TSHZ2: variants seen among roughly 807,000 people sequenced by gnomAD.
The protein encoded by TSHZ2 is teashirt homolog 2.
TSHZ2 carries 21 observed loss-of-function variants against 74.4 expected under a neutral mutation model. The observed-to-expected ratio is 0.28, with a 90% CI of 0.20 to 0.41. The LOEUF (loss-of-function observed/expected upper bound fraction) is 0.41, where lower values mean the gene tolerates loss of function less well. Ranked by LOEUF, TSHZ2 falls within the 10% of genes least tolerant of loss-of-function variation. The pLI is 1.00. For missense variants in TSHZ2, 1,244 were observed against 1,293.5 expected (o/e 0.96, Z 0.59); for synonymous variants, 540 against 515.3 (o/e 1.05, Z -0.65).
intron 2 of TSHZ2, among the ~76,000 whole-genome samples, chr20:53,457,750 TGA>T (rs1449558856): frequency 6.6e-6 from 1 of 151,734 alleles, no homozygotes; most frequent in African/African-American, 2.4e-5. Flanking sequence ...CCTAATTTAT[TGA>T]GAGTTTTTAG....
chr20:53,149,529 G>A (rs1195126189), intron 1 of TSHZ2, among the ~76,000 whole-genome samples: 2 of 152,178 alleles, frequency 1.3e-5, no homozygotes, highest in Non-Finnish European at 2.9e-5. Context: ...GCCAATGCAA[G>A]GATCTGCTTT....
chr20:53,444,168 C>T (rs903810213), intron 2 of TSHZ2, among the ~76,000 whole-genome samples: 2 of 152,278 alleles, frequency 1.3e-5, no homozygotes, highest in East Asian at 1.9e-4. Flanking sequence ...TCACTGAAGC[C>T]CCAGTTTCCC....
intron 1 of TSHZ2, chr20:53,185,532 T>A (rs2123523816): frequency 7.0e-7 from 1 of 1,423,666 alleles, no homozygotes; most frequent in East Asian, 2.6e-5. Flanking sequence ...GAGAATTCCT[T>A]GAACTGGGAC....
chr20:53,469,548 AGAAGGAGGGAAGGAAGGAAGGAAGGAAG>A (rs1443568740), intron 2 of TSHZ2, among the ~76,000 whole-genome samples: 2 of 125,208 alleles, frequency 1.6e-5, no homozygotes, highest in African/African-American at 3.3e-5. Flanking sequence ...AAGAAAAGAA[AGAAGGAGGGAAGGAAGGAAGGAAGGAAG>A]GAAGGAAGGA....
Position 53,050,929 on chromosome 20 carries a change from A to G in TSHZ2, c.40+77596A>G, listed in dbSNP as rs925639960. ...TTGATTCTGGCAAAATAGATAAACA[A>G]TATTTACTATCTTTACTCTAGAACT... On this transcript the variant is annotated intron_variant, in intron 1 of 2. Transcript: ENST00000371497. Among the ~76,000 whole-genome samples, 3 of 152,256 alleles carry G rather than the reference A, an allele frequency of 2.0e-5. No homozygotes were observed. In the East Asian group the frequency reaches 5.8e-4, roughly 29 times the overall value.
intron 2 of TSHZ2, among the ~76,000 whole-genome samples, chr20:53,315,062 C>CA (rs1407616927): frequency 6.6e-6 from 1 of 152,050 alleles, no homozygotes; most frequent in Non-Finnish European, 1.5e-5. Context: ...CAAGGAGATT[C>CA]AAAAAAAGGA....
chr20:53,126,897 A>G (rs1449106077), intron 1 of TSHZ2, among the ~76,000 whole-genome samples: 4 of 152,140 alleles, frequency 2.6e-5, no homozygotes, highest in Admixed American at 1.3e-4. Flanking sequence ...AGGAAGTGAG[A>G]GGTAGAGATA....
In TSHZ2 at chr20:53,473,670, G is replaced by C. The variant is rs865956833; in HGVS notation, c.*9-13474G>C. Among the ~76,000 whole-genome samples, 153 of 151,540 alleles carry C rather than the reference G, an allele frequency of 1.0e-3. 1 individual carries two copies. The highest frequency in any genetic ancestry group is 4.3e-3 in the Admixed American group (66 of 15,210). On this transcript the variant is annotated intron_variant, in intron 2 of 2. Coordinates refer to ENST00000371497, the MANE Select transcript of TSHZ2 (RefSeq NM_173485.6). Reference sequence around the variant, plus strand: ...AAGCTGGATGGAGAATGACTTTGACGAGCTGAGAGAAAAAGGCTTCAGACG... The same window carrying C: ...AAGCTGGATGGAGAATGACTTTGACCAGCTGAGAGAAAAAGGCTTCAGACG...
intron 2 of TSHZ2, among the ~76,000 whole-genome samples, chr20:53,271,783 G>T (rs930686256): frequency 1.3e-5 from 2 of 152,170 alleles, no homozygotes; most frequent in South Asian, 4.1e-4. Flanking sequence ...AATGCATGTG[G>T]CTCAGTATGA....
intron 1 of TSHZ2, among the ~76,000 whole-genome samples, chr20:53,118,779 G>A (rs577640534): frequency 1.3e-4 from 20 of 152,306 alleles, no homozygotes; most frequent in Middle Eastern, 3.4e-3. Flanking sequence ...CTTGGTGGGT[G>A]TACTAGTCCA....
In TSHZ2 at chr20:53,033,002, GAT is replaced by G. The variant is rs553217125; in HGVS notation, c.40+59675_40+59676del. Among the ~76,000 whole-genome samples, 7 of 152,304 alleles carry G rather than the reference GAT, an allele frequency of 4.6e-5. No individual in the cohort carries two copies. In the East Asian group the frequency reaches 1.3e-3, roughly 29 times the overall value. On this transcript the variant is annotated intron_variant, in intron 1 of 2. Transcript: ENST00000371497. ...GTACAAAGGGACATAAACAGTGCCT[GAT>G]ATATAAGCTTTCAGATACTAGAAGC...
At chr20:53,412,736 C>T (rs1983097516) in intron 2 of TSHZ2, 1 of 152,452 alleles carries the variant, frequency 6.6e-6, no homozygotes, top group African/African-American at 2.4e-5. Flanking sequence ...GCACCACCAC[C>T]CACAGGCTCT....
chr20:53,053,975 T>C (rs1229667384), intron 1 of TSHZ2, among the ~76,000 whole-genome samples: 1 of 152,184 alleles, frequency 6.6e-6, no homozygotes, highest in African/African-American at 2.4e-5. Flanking sequence ...TGACCACGTA[T>C]CCAATAATAG....
chr20:53,440,070 T>C (rs1984253863), intron 2 of TSHZ2, among the ~76,000 whole-genome samples: 1 of 151,480 alleles, frequency 6.6e-6, no homozygotes, highest in Non-Finnish European at 1.5e-5. Flanking sequence ...AGGTAGGAAA[T>C]GTAATCGAAA....
At chr20:52,975,733 C>T (rs753005774) in intron 1 of TSHZ2, among the ~76,000 whole-genome samples, 6 of 152,118 alleles carry the variant, frequency 3.9e-5, no homozygotes, top group Non-Finnish European at 7.3e-5. Flanking sequence ...ATAGAGGAGA[C>T]AGTTTTTCAT....
At chr20:52,986,415 A>AAAAG (rs1555812017) in intron 1 of TSHZ2, among the ~76,000 whole-genome samples, 53 of 139,828 alleles carry the variant, frequency 3.8e-4, no homozygotes, top group South Asian at 4.6e-4. Context: ...AAAAAAAAAA[A>AAAAG]AAAGAAAGAA....
chr20:53,239,063 C>G (rs16997782), intron 1 of TSHZ2, among the ~76,000 whole-genome samples: 5,657 of 152,174 alleles, frequency 0.037, 242 homozygotes, highest in East Asian at 0.21. Context: ...AAGCAATGAA[C>G]CAGACAGATA....
At chr20:52,995,337 A>G (rs118091966) in intron 1 of TSHZ2, among the ~76,000 whole-genome samples, 2 of 152,316 alleles carry the variant, frequency 1.3e-5, no homozygotes, top group East Asian at 1.9e-4. Context: ...GCAGAAAAGA[A>G]CATCTCTCTC....
chr20:53,266,017 C>T (rs1296237404), intron 2 of TSHZ2, among the ~76,000 whole-genome samples: 3 of 152,170 alleles, frequency 2.0e-5, no homozygotes, highest in Admixed American at 6.5e-5. Flanking sequence ...GAGTCTGACC[C>T]TCCACTTTAG....
Sources: allele counts gnomAD v4.1 joint callset (sites outside exome capture counted in the v4.1 genomes callset), GRCh38; gene constraint gnomAD v4.1.1; transcripts MANE v1.5; gene names NCBI Gene and HGNC (gene_info 2026-07-23, HGNC 2026-07-21).